TMEM178B: variants seen among roughly 807,000 people sequenced by gnomAD.
TMEM178B encodes the protein transmembrane protein 178B.
TMEM178B carries 5 observed loss-of-function variants against 31.0 expected under a neutral mutation model. The ratio of observed to expected loss-of-function variants is 0.16; its 90% confidence interval spans 0.08 to 0.34. TMEM178B has a LOEUF of 0.34. Ranked by LOEUF, TMEM178B falls within the 10% of genes least tolerant of loss-of-function variation. The probability of loss-of-function intolerance (pLI) is 1.00; values close to 1 mark genes in which losing one functional copy is unlikely to be tolerated. For synonymous variants in TMEM178B, 164 were observed against 164.0 expected, an observed-to-expected ratio of 1.00 and a Z score of 0.00; for missense variants, 275 against 400.3, an observed-to-expected ratio of 0.69 and a Z score of 2.67.
At chr7:141,239,600 T>C (rs924792121) in intron 2 of TMEM178B, among the ~76,000 whole-genome samples, 1 of 152,176 alleles carries the variant, frequency 6.6e-6, no homozygotes, top group African/African-American at 2.4e-5. Flanking sequence ...GAAGATCCCA[T>C]GCCTCCGCTC....
chr7:141,245,363 G>A (rs1293726654), intron 2 of TMEM178B, among the ~76,000 whole-genome samples: 1 of 151,866 alleles, frequency 6.6e-6, no homozygotes, highest in Admixed American at 6.6e-5. Flanking sequence ...GCTGCTTCTG[G>A]AGTGGAACTG....
intron 1 of TMEM178B, among the ~76,000 whole-genome samples, chr7:141,141,024 G>A (rs1795759483): frequency 6.6e-6 from 1 of 152,056 alleles, no homozygotes; most frequent in Non-Finnish European, 1.5e-5. Flanking sequence ...TAAGGAGTTG[G>A]GAGTTACACT....
intron 2 of TMEM178B, among the ~76,000 whole-genome samples, chr7:141,411,522 T>G (rs1040651240): frequency 6.6e-6 from 1 of 152,218 alleles, no homozygotes; most frequent in East Asian, 1.9e-4. Flanking sequence ...CCAAAAAATG[T>G]AAAAATAACT....
intron 2 of TMEM178B, among the ~76,000 whole-genome samples, chr7:141,355,770 G>A (rs978071913): frequency 5.3e-5 from 8 of 152,254 alleles, no homozygotes; most frequent in African/African-American, 1.9e-4. Flanking sequence ...ACAAGGGTAT[G>A]TGTGATGCTG....
At chr7:141,076,838 A>C (rs2129170320) in intron 1 of TMEM178B, among the ~76,000 whole-genome samples, 2 of 152,326 alleles carry the variant, frequency 1.3e-5, no homozygotes, top group Admixed American at 1.3e-4. Flanking sequence ...CCCAAAATAC[A>C]GCAATCACTG....
At chr7:141,258,518 T>C (rs1298162558) in intron 2 of TMEM178B, among the ~76,000 whole-genome samples, 1 of 152,222 alleles carries the variant, frequency 6.6e-6, no homozygotes, top group Non-Finnish European at 1.5e-5. Context: ...GAAAAAATAT[T>C]TGCCTAGTCA....
Position 141,149,961 on chromosome 7 carries a change from G to A in TMEM178B, c.383-62630G>A, listed in dbSNP as rs548839831. 7.2e-4 allele frequency among the ~76,000 whole-genome samples: 109 copies of A among 152,306 alleles called. 1 individual carries two copies. In the Middle Eastern group the frequency reaches 0.01, roughly 14 times the overall value. On this transcript the variant is annotated intron_variant, in intron 1 of 3. Transcript: ENST00000565468. ...GTGGAGATGGGGAGAGGTGGCCTGG[G>A]GGTAGAGCTGACAGGATTTGTTGAT...
Position 141,318,510 on chromosome 7 carries a change from C to T in TMEM178B, c.496+105806C>T, listed in dbSNP as rs1167127263. 1.3e-5 allele frequency among the ~76,000 whole-genome samples: 2 copies of T among 152,186 alleles called. No homozygotes were observed. Among genetic ancestry groups the T allele is most frequent in the Non-Finnish European group, 2.9e-5 (2 of 68,034 alleles). Reference sequence around the variant, plus strand: ...TTTTATCTGATTTTAAAACTTTTCACTCACACTAAGGTAAATACCATTTGT... The same window carrying T: ...TTTTATCTGATTTTAAAACTTTTCATTCACACTAAGGTAAATACCATTTGT... On this transcript the variant is annotated intron_variant, in intron 2 of 3. Coordinates refer to ENST00000565468, the MANE Select transcript of TMEM178B (RefSeq NM_001195278.2). The surrounding 1 kb of genome is among the most constrained non-coding windows in gnomAD (Gnocchi z 4.1).
chr7:141,391,139 T>G (rs1800527590), intron 2 of TMEM178B, among the ~76,000 whole-genome samples: 1 of 152,034 alleles, frequency 6.6e-6, no homozygotes, highest in Non-Finnish European at 1.5e-5. Flanking sequence ...TGTAGTTTAC[T>G]GTTTATGGTG....
chr7:141,454,490 C>T (rs1801924944), intron 3 of TMEM178B, among the ~76,000 whole-genome samples: 1 of 152,088 alleles, frequency 6.6e-6, no homozygotes, highest in African/African-American at 2.4e-5. Context: ...GGCCCAAGAC[C>T]CAGGCCAGCT....
At chr7:141,359,721 A>G (rs941003411) in intron 2 of TMEM178B, among the ~76,000 whole-genome samples, 8 of 152,182 alleles carry the variant, frequency 5.3e-5, no homozygotes, top group Non-Finnish European at 7.4e-5. Flanking sequence ...TATTCTTGAA[A>G]TTCCTTCAGA....
chr7:141,201,960 G>A (rs1796885235), intron 1 of TMEM178B, among the ~76,000 whole-genome samples: 1 of 152,152 alleles, frequency 6.6e-6, no homozygotes, highest in Non-Finnish European at 1.5e-5. Flanking sequence ...TTTGACATGT[G>A]TGGCAGGCGT....
intron 2 of TMEM178B, among the ~76,000 whole-genome samples, chr7:141,229,564 G>GA (rs954144231): frequency 4.0e-5 from 6 of 151,800 alleles, no homozygotes; most frequent in African/African-American, 1.5e-4. Flanking sequence ...AATTATTATA[G>GA]AAAAAAATCA....
intron 2 of TMEM178B, among the ~76,000 whole-genome samples, chr7:141,250,425 C>G (rs772013343): frequency 3.3e-5 from 5 of 152,182 alleles, no homozygotes; most frequent in African/African-American, 4.8e-5. Context: ...CAGTCTGGCT[C>G]CAGCATCAGT....
chr7:141,085,383 C>CT lies in TMEM178B; in HGVS notation c.382+10692dup, dbSNP rs746009983. 4.0e-4 allele frequency among the ~76,000 whole-genome samples: 61 copies of CT among 151,982 alleles called. 1 individual carries two copies. The highest frequency in any genetic ancestry group is 6.8e-4 in the Non-Finnish European group (46 of 67,992). On this transcript the variant is annotated intron_variant, in intron 1 of 3. Transcript: ENST00000565468. ...GATTCATCTACAGGTGATGTTTCCT[C>CT]TGAGTAGAAGCTGCTGTGAGCATTC...
rs1473858477 is a variant in TMEM178B, at chr7:141,344,575, CCT to C, written c.497-93032_497-93031del. ...TCCCTCCCTCCATTCCTCCCTCCTC[CCT>C]TCCTTCCTTCCTTCCTTCCTTCCTT... On this transcript the variant is annotated intron_variant, in intron 2 of 3. Coordinates refer to ENST00000565468, the MANE Select transcript of TMEM178B (RefSeq NM_001195278.2). The surrounding 1 kb of genome is among the most constrained non-coding windows in gnomAD (Gnocchi z 4.1). Among the ~76,000 whole-genome samples, 8 of 7,542 alleles carry C rather than the reference CCT, an allele frequency of 1.1e-3. No individual in the cohort carries two copies. The highest frequency in any genetic ancestry group is 8.4e-3 in the Admixed American group (4 of 476). 4.9% of individuals were successfully genotyped at this position (7,542 alleles called of 152,430 possible). A position where few individuals can be genotyped will look rare whatever the true frequency, so the allele number is the denominator to read the frequency against.
intron 2 of TMEM178B, among the ~76,000 whole-genome samples, chr7:141,317,990 A>T (rs571949232): frequency 3.3e-5 from 5 of 152,328 alleles, no homozygotes; most frequent in African/African-American, 9.6e-5. Context: ...AATTTATTTT[A>T]TTAGATTTTG....
chr7:141,455,982 CA>C (rs1291866268), intron 3 of TMEM178B, among the ~76,000 whole-genome samples: 1 of 152,254 alleles, frequency 6.6e-6, no homozygotes, highest in Non-Finnish European at 1.5e-5. Flanking sequence ...TCATTCAGGA[CA>C]CAATTTATTC....
intron 2 of TMEM178B, among the ~76,000 whole-genome samples, chr7:141,303,695 C>T (rs774048413): frequency 2.6e-5 from 4 of 152,208 alleles, no homozygotes; most frequent in Non-Finnish European, 4.4e-5. Context: ...ATGCCTCCAC[C>T]AATCCCCATC....
Sources: gnomAD v4.1 joint callset for allele counts (sites outside exome capture counted in the v4.1 genomes callset) on GRCh38, gnomAD v4.1.1 for gene constraint, Gnocchi (gnomAD v3.1) non-coding constraint, MANE v1.5 for transcripts, NCBI Gene and HGNC (gene_info 2026-07-23, HGNC 2026-07-21) for gene names.